The following ATP10B variants were observed in gnomAD, a reference collection of about 807,000 sequenced individuals.
ATP10B encodes the protein ATPase phospholipid transporting 10B (putative).
A neutral mutation model predicts 141.2 loss-of-function variants in ATP10B; 122 were observed. That is an observed-to-expected ratio of 0.86 (90% CI 0.75 to 1.00). ATP10B has a LOEUF of 1.00. Among genes scored for constraint, ATP10B ranks in the 50% least tolerant of loss-of-function variants. The pLI is 0.00. For synonymous variants in ATP10B, 685 were observed against 692.0 expected (o/e 0.99, Z 0.16); for missense variants, 1,876 against 1,825.3 (o/e 1.03, Z -0.51).
intron 1 of ATP10B, among the ~76,000 whole-genome samples, chr5:160,807,742 G>T (rs74601637): frequency 6.6e-6 from 1 of 152,146 alleles, no homozygotes. Context: ...TATTCTAGAT[G>T]AATTCTTTTT....
chr5:160,638,149 G>C (rs1489703546), intron 10 of ATP10B, among the ~76,000 whole-genome samples: 2 of 152,194 alleles, frequency 1.3e-5, no homozygotes, highest in African/African-American at 4.8e-5. Flanking sequence ...TCATTTGAGA[G>C]CTTTCATCTT....
intron 1 of ATP10B, among the ~76,000 whole-genome samples, chr5:160,836,336 T>C (rs375078963): frequency 3.3e-5 from 5 of 152,142 alleles, no homozygotes; most frequent in East Asian, 3.9e-4. Flanking sequence ...TTTTTCATTT[T>C]TTTTCACCTC....
Position 160,716,912 on chromosome 5 carries a change from T to A in ATP10B, c.-208A>T. On this transcript the variant is annotated 5_prime_UTR_variant, in exon 3 of 26. Transcript: ENST00000327245. Reference sequence around the variant, plus strand: ...GGAAGCAACGCAAAAGATATACCTGTTAGCGGAGTCCCTTTAAGGAGGTTA... The same window carrying A: ...GGAAGCAACGCAAAAGATATACCTGATAGCGGAGTCCCTTTAAGGAGGTTA... 1.0e-6 allele frequency: 1 copy of A among 985,432 alleles called. No homozygotes were observed. Among genetic ancestry groups the A allele is most frequent in the African/African-American group, 1.7e-5 (1 of 57,374 alleles). 61.0% of individuals were successfully genotyped at this position (985,432 alleles called of 1,614,324 possible).
chr5:160,888,088 C>T, the ATP10B span, among the ~76,000 whole-genome samples: 1 of 152,214 alleles, frequency 6.6e-6, no homozygotes, highest in South Asian at 2.1e-4. Context: ...CTCATTTGGT[C>T]TGTGGCTCTT....
rs191793493 is a variant in ATP10B, at chr5:160,677,720, T to A, written c.471-7053A>T. Among the ~76,000 whole-genome samples, 130 of 152,356 alleles carry A rather than the reference T, an allele frequency of 8.5e-4. 1 individual carries two copies. Among genetic ancestry groups the A allele is most frequent in the African/African-American group, 3.0e-3 (126 of 41,600 alleles). Reference sequence around the variant, plus strand: ...CAGGCACAAAGCTAAGCATTTTACATGCAGTAACTCATTTAATACCTGCAG... The same window carrying A: ...CAGGCACAAAGCTAAGCATTTTACAAGCAGTAACTCATTTAATACCTGCAG... On this transcript the variant is annotated intron_variant, in intron 6 of 25. Transcript: ENST00000327245.
chr5:160,878,633 T>C, the ATP10B span, among the ~76,000 whole-genome samples: 2 of 151,994 alleles, frequency 1.3e-5, no homozygotes, highest in Admixed American at 1.3e-4. Flanking sequence ...CACAACCTAC[T>C]CATCTGACAA....
intron 7 of ATP10B, among the ~76,000 whole-genome samples, chr5:160,659,468 TAAAAACAAAAACAAAAAC>T (rs10546331): frequency 1.3e-5 from 2 of 151,636 alleles, no homozygotes; most frequent in African/African-American, 2.4e-5. Context: ...CCGTCTCAAA[TAAAAACAAAAACAAAAAC>T]AAAAACAAAA....
intron 2 of ATP10B, among the ~76,000 whole-genome samples, chr5:160,718,610 G>C (rs188181311): frequency 6.6e-6 from 1 of 152,202 alleles, no homozygotes; most frequent in African/African-American, 2.4e-5. Context: ...ATAGGGAAAG[G>C]GTACACACAC....
chr5:160,835,115 GA>G (rs1775336226), intron 1 of ATP10B, among the ~76,000 whole-genome samples: 1 of 151,902 alleles, frequency 6.6e-6, no homozygotes, highest in Admixed American at 6.6e-5. Context: ...TTGTGGAGCT[GA>G]AACAGAGATA....
In ATP10B at chr5:160,844,577, G is replaced by A. The variant is rs191927596; in HGVS notation, c.-576+7364C>T. ...TTTTTTTTTTTTGAGAAACAGTGTT[G>A]GTCTGTCGCCTAGGCTGGAGTGTAG... is the stretch of plus-strand genomic sequence containing the variant. On this transcript the variant is annotated intron_variant, in intron 1 of 25. Transcript: ENST00000327245. Among the ~76,000 whole-genome samples the A allele has an allele frequency of 1.2e-4, 18 of 150,214 alleles. No homozygotes were observed. In the East Asian group the frequency reaches 3.5e-3, roughly 29 times the overall value.
At chr5:160,793,130 C>T (rs542121106) in intron 1 of ATP10B, among the ~76,000 whole-genome samples, 1 of 152,084 alleles carries the variant, frequency 6.6e-6, no homozygotes, top group Admixed American at 6.5e-5. Flanking sequence ...TCTTCTCAAA[C>T]CCATCATTTT....
intron 24 of ATP10B, among the ~76,000 whole-genome samples, chr5:160,585,531 A>G (rs1755825986): frequency 6.6e-6 from 1 of 152,242 alleles, no homozygotes; most frequent in African/African-American, 2.4e-5. Flanking sequence ...TGAACCCAGG[A>G]GGCGGAGGTG....
At chr5:160,898,948 A>G in the ATP10B span, among the ~76,000 whole-genome samples, 8 of 150,292 alleles carry the variant, frequency 5.3e-5, no homozygotes, top group African/African-American at 2.0e-4. Context: ...GAACAATGAG[A>G]CACATGGACA....
intron 1 of ATP10B, among the ~76,000 whole-genome samples, chr5:160,808,226 T>G (rs1352668715): frequency 6.6e-6 from 1 of 152,136 alleles, no homozygotes; most frequent in Non-Finnish European, 1.5e-5. Flanking sequence ...ACAATAAAAT[T>G]GTGTTTGTGT....
At chr5:160,923,493 G>T in the ATP10B span, among the ~76,000 whole-genome samples, 1 of 152,194 alleles carries the variant, frequency 6.6e-6, no homozygotes, top group Non-Finnish European at 1.5e-5. Flanking sequence ...TGCCCAGGAC[G>T]CTGTGAAAGT....
At chr5:160,669,757 G>A (rs899313982) in intron 7 of ATP10B, among the ~76,000 whole-genome samples, 1 of 150,958 alleles carries the variant, frequency 6.6e-6, no homozygotes, top group Non-Finnish European at 1.5e-5. Context: ...CTGCCATCAC[G>A]GGGCTGGCTA....
rs3075589 is a variant in ATP10B, at chr5:160,747,995, GAA to G, written c.-330-30963_-330-30962del. ...CTGGGTCCAGCTGAGCATTGAGAGA[GAA>G]AAAAAAAAAAAAAAAAAAAGCGGCC... On this transcript the variant is annotated intron_variant, in intron 2 of 25. Transcript: ENST00000327245. 6.2e-3 allele frequency among the ~76,000 whole-genome samples: 616 copies of G among 99,004 alleles called. 7 individuals are homozygous for G. Among genetic ancestry groups the G allele is most frequent in the African/African-American group, 0.019 (485 of 25,472 alleles). The allele number at this position is 99,004 out of a possible 152,430, so 65.0% of individuals were successfully genotyped here.
In ATP10B at chr5:160,615,980, A is replaced by T. The variant is rs1757973650; in HGVS notation, c.2527-16T>A. On this transcript the variant is annotated splice_polypyrimidine_tract_variant and intron_variant, in intron 16 of 25. Transcript: ENST00000327245. ...CGCTTACAACCTATGGGATGGGAAA[A>T]GGCTCCTTAACAATCTTGGGTGGAC... 6.2e-7 allele frequency: 1 copy of T among 1,607,460 alleles called. No individual in the cohort carries two copies. Among genetic ancestry groups the T allele is most frequent in the Admixed American group, 1.7e-5 (1 of 59,856 alleles).
chr5:160,820,805 T>C (rs1774043601), intron 1 of ATP10B, among the ~76,000 whole-genome samples: 4 of 152,236 alleles, frequency 2.6e-5, no homozygotes, highest in Admixed American at 2.6e-4. Context: ...TGGCCATTTC[T>C]ATTGATGCTG....
Sources: allele counts gnomAD v4.1 joint callset (sites outside exome capture counted in the v4.1 genomes callset), GRCh38; gene constraint gnomAD v4.1.1; transcripts MANE v1.5; gene names NCBI Gene and HGNC (gene_info 2026-07-23, HGNC 2026-07-21).